Variants in GAS7 observed in about 807,000 individuals in gnomAD.
GAS7 encodes growth arrest specific 7.
A neutral mutation model predicts 71.1 loss-of-function variants in GAS7; 28 were observed. That is an observed-to-expected ratio of 0.39 (90% confidence interval 0.29 to 0.54). GAS7 has a LOEUF of 0.54. Among genes scored for constraint, GAS7 ranks in the 20% least tolerant of loss-of-function variants. The pLI, the probability that GAS7 is intolerant of heterozygous loss-of-function variation, is 0.62. For missense variants in GAS7, 436 were observed against 627.8 expected (o/e 0.69, Z 3.27); for synonymous variants, 258 against 245.8 (o/e 1.05, Z -0.46).
chr17:10,017,791 T>C (rs1163549716), intron 2 of GAS7, among the ~76,000 whole-genome samples: 1 of 152,208 alleles, frequency 6.6e-6, no homozygotes, highest in Non-Finnish European at 1.5e-5. Context: ...ATGGAGACCA[T>C]GTGACCCTCA....
chr17:10,098,006 T>C (rs2073659869), intron 1 of GAS7, among the ~76,000 whole-genome samples: 1 of 149,510 alleles, frequency 6.7e-6, no homozygotes, highest in Non-Finnish European at 1.5e-5. Context: ...ATCGTGCCAC[T>C]GCACTCCAGC....
rs79097108 is a variant in GAS7, at chr17:10,059,618, C to T, written c.184-39721G>A. The T allele has an allele frequency of 3.9e-4, 336 of 852,166 alleles. 1 individual carries two copies. The African/African-American group carries it at 4.6e-3, about 12-fold the overall frequency. The allele number at this position is 852,166 out of a possible 1,614,324, so 52.8% of individuals were successfully genotyped here. On this transcript the variant is annotated intron_variant, in intron 1 of 13. Coordinates refer to ENST00000432992, the MANE Select transcript of GAS7 (RefSeq NM_201433.2). Reference sequence around the variant, plus strand: ...CCTCCTGCAGGAGTGGCGGCTGCCTCGCACTCAACCTGGTCCAATTAGCTT... The same window carrying T: ...CCTCCTGCAGGAGTGGCGGCTGCCTTGCACTCAACCTGGTCCAATTAGCTT...
At chr17:10,166,084 G>A (rs1449804685) in intron 1 of GAS7, among the ~76,000 whole-genome samples, 1 of 151,692 alleles carries the variant, frequency 6.6e-6, no homozygotes, top group East Asian at 1.9e-4. Context: ...GGGCAGTGGG[G>A]CAATCCTAGC....
chr17:10,155,447 A>C (rs2074198822), intron 1 of GAS7, among the ~76,000 whole-genome samples: 1 of 152,212 alleles, frequency 6.6e-6, no homozygotes, highest in Admixed American at 6.5e-5. Flanking sequence ...CCTATTCAGA[A>C]ACCAAAGGTC....
At chr17:9,949,930 C>G (rs1474491322) in intron 5 of GAS7, among the ~76,000 whole-genome samples, 1 of 148,032 alleles carries the variant, frequency 6.8e-6, no homozygotes, top group African/African-American at 2.5e-5. Context: ...GGCACGATCT[C>G]GGCTCACTGC....
intron 1 of GAS7, among the ~76,000 whole-genome samples, chr17:10,133,484 T>C (rs754958749): frequency 6.6e-6 from 1 of 152,226 alleles, no homozygotes; most frequent in East Asian, 1.9e-4. Context: ...CATATATTTA[T>C]GGTGTACATA....
chr17:10,095,147 T>C (rs894522822), intron 1 of GAS7, among the ~76,000 whole-genome samples: 22 of 152,220 alleles, frequency 1.4e-4, no homozygotes, highest in African/African-American at 4.6e-4. Context: ...AGGGCTCTTA[T>C]GGACGCTGAA....
chr17:10,077,286 C>T (rs1337815509), intron 1 of GAS7, among the ~76,000 whole-genome samples: 2 of 152,062 alleles, frequency 1.3e-5, no homozygotes, highest in Non-Finnish European at 2.9e-5. Flanking sequence ...TGATTGAAAA[C>T]GGGCTGTTTA....
At chr17:10,091,036 T>C (rs1228439539) in intron 1 of GAS7, among the ~76,000 whole-genome samples, 1 of 152,036 alleles carries the variant, frequency 6.6e-6, no homozygotes, top group Non-Finnish European at 1.5e-5. Flanking sequence ...ACCGCCTCTC[T>C]CCTCCACCCC....
intron 4 of GAS7, among the ~76,000 whole-genome samples, chr17:9,966,426 C>A (rs1437038420): frequency 6.6e-6 from 1 of 152,130 alleles, no homozygotes; most frequent in Admixed American, 6.5e-5. Context: ...TCACTGTAAC[C>A]CTGAACATGC....
chr17:9,929,320 G>A (rs1490578304), intron 9 of GAS7, among the ~76,000 whole-genome samples: 1 of 152,064 alleles, frequency 6.6e-6, no homozygotes, highest in Non-Finnish European at 1.5e-5. Flanking sequence ...TGTGGTCTGG[G>A]GAAAAGCCCA....
intron 2 of GAS7, among the ~76,000 whole-genome samples, chr17:9,998,527 T>C (rs2071132789): frequency 6.6e-6 from 1 of 151,030 alleles, no homozygotes; most frequent in Admixed American, 6.6e-5. Context: ...TCCTAGAACT[T>C]TGGGAGGCCA....
intron 8 of GAS7, among the ~76,000 whole-genome samples, chr17:9,935,680 A>C (rs1477317626): frequency 6.6e-6 from 1 of 152,248 alleles, no homozygotes; most frequent in Non-Finnish European, 1.5e-5. Context: ...GCGCAGGCTC[A>C]GGCCGAGGTG....
chr17:10,175,953 G>C (rs1272189944), intron 1 of GAS7, among the ~76,000 whole-genome samples: 1 of 152,124 alleles, frequency 6.6e-6, no homozygotes, highest in Non-Finnish European at 1.5e-5. Flanking sequence ...TGTCCCCTGG[G>C]GCCCCTCACT....
At chr17:9,962,533 T>C (rs1351698369) in intron 4 of GAS7, among the ~76,000 whole-genome samples, 2 of 152,174 alleles carry the variant, frequency 1.3e-5, no homozygotes, top group African/African-American at 2.4e-5. Context: ...AGCACAAATA[T>C]GAATGAATGA....
chr17:10,054,221 C>T (rs1297982164), intron 1 of GAS7, among the ~76,000 whole-genome samples: 2 of 150,914 alleles, frequency 1.3e-5, no homozygotes, highest in African/African-American at 2.4e-5. Flanking sequence ...GACATGGGTG[C>T]GGGGAATATT....
chr17:10,002,772 G>A (rs1295996876), intron 2 of GAS7, among the ~76,000 whole-genome samples: 1 of 152,132 alleles, frequency 6.6e-6, no homozygotes, highest in Non-Finnish European at 1.5e-5. Flanking sequence ...AGTATTCCAT[G>A]GTGTATATGT....
intron 2 of GAS7, among the ~76,000 whole-genome samples, chr17:10,001,561 C>T (rs997716196): frequency 2.6e-5 from 4 of 152,110 alleles, no homozygotes; most frequent in Admixed American, 6.5e-5. Context: ...GGTTGTCTCT[C>T]AGGGGAAATA....
intron 1 of GAS7, among the ~76,000 whole-genome samples, chr17:10,063,073 G>A (rs534694082): frequency 3.9e-4 from 60 of 152,378 alleles, no homozygotes; most frequent in African/African-American, 1.4e-3. Flanking sequence ...CCACTTACCT[G>A]CTGGCTGGGT....
Sources: allele counts gnomAD v4.1 joint callset (sites outside exome capture counted in the v4.1 genomes callset), GRCh38; gene constraint gnomAD v4.1.1; transcripts MANE v1.5; gene names NCBI Gene and HGNC (gene_info 2026-07-23, HGNC 2026-07-21).